PPFIA2: variants seen among roughly 807,000 people sequenced by gnomAD.
The protein encoded by PPFIA2 is PPFI scaffold protein A2, also known as liprin-alpha-2.
A neutral mutation model predicts 175.5 loss-of-function variants in PPFIA2; 46 were observed. The ratio of observed to expected loss-of-function variants is 0.26; its 90% CI spans 0.21 to 0.34. The LOEUF is 0.34. PPFIA2 is among the 10% of genes least tolerant of loss of function. The pLI is 1.00. For synonymous variants in PPFIA2, 568 were observed against 511.4 expected (o/e 1.11, Z -1.49); for missense variants, 1,179 against 1,506.1 (o/e 0.78, Z 3.60).
At chr12:81,278,781 T>C (rs1351623221) in intron 27 of PPFIA2, among the ~76,000 whole-genome samples, 1 of 152,106 alleles carries the variant, frequency 6.6e-6, no homozygotes, top group Non-Finnish European at 1.5e-5. Context: ...GAAAAAATAA[T>C]CTGTAGACTT....
intron 22 of PPFIA2, among the ~76,000 whole-genome samples, chr12:81,321,055 CAG>C (rs376416224): frequency 7.1e-4 from 105 of 148,530 alleles, no homozygotes; most frequent in African/African-American, 2.1e-3. Context: ...ATAAATAAAA[CAG>C]AGAGAGAGAG....
chr12:81,502,590 T>C (rs1010146977), intron 4 of PPFIA2, among the ~76,000 whole-genome samples: 69 of 152,322 alleles, frequency 4.5e-4, no homozygotes, highest in African/African-American at 1.4e-3. Flanking sequence ...ATCTGCCTAA[T>C]ACTCTTCATT....
intron 28 of PPFIA2, among the ~76,000 whole-genome samples, chr12:81,269,494 A>G (rs1170995202): frequency 6.6e-6 from 1 of 152,156 alleles, no homozygotes; most frequent in Non-Finnish European, 1.5e-5. Flanking sequence ...AATTATTTTG[A>G]TGAGTCTTTG....
chr12:81,512,589 T>G (rs927878003), intron 4 of PPFIA2, among the ~76,000 whole-genome samples: 3 of 152,106 alleles, frequency 2.0e-5, no homozygotes, highest in Admixed American at 2.0e-4. Context: ...TTTGGTTACA[T>G]GGATGAGTTC....
intron 3 of PPFIA2, among the ~76,000 whole-genome samples, chr12:81,701,860 C>A (rs1187750008): frequency 1.4e-5 from 2 of 144,670 alleles, no homozygotes; most frequent in African/African-American, 5.1e-5. Context: ...GAACTGAACT[C>A]TTTGTCTCAT....
chr12:81,443,047 T>C (rs1277620813), intron 6 of PPFIA2, among the ~76,000 whole-genome samples: 1 of 151,004 alleles, frequency 6.6e-6, no homozygotes, highest in Non-Finnish European at 1.5e-5. Flanking sequence ...AACAAGCATC[T>C]GGATCAACAG....
intron 17 of PPFIA2, 88 bp downstream of exon 17, chr12:81,353,031 G>T: frequency 1.7e-6 from 2 of 1,170,226 alleles, no homozygotes; most frequent in Non-Finnish European, 2.5e-6. Flanking sequence ...CCCAGTTAAT[G>T]CTAATGCTTC....
intron 19 of PPFIA2, among the ~76,000 whole-genome samples, chr12:81,342,714 T>C (rs1398767781): frequency 6.6e-6 from 1 of 152,072 alleles, no homozygotes; most frequent in Non-Finnish European, 1.5e-5. Context: ...TACATGTTAG[T>C]GTTTTCACAG....
chr12:81,470,164 AC>A (rs2056474099), intron 4 of PPFIA2, among the ~76,000 whole-genome samples: 1 of 152,226 alleles, frequency 6.6e-6, no homozygotes, highest in Admixed American at 6.5e-5. Context: ...ACAGAATGAG[AC>A]AAAATATGAG....
At chr12:81,525,773 A>G (rs2063663476) in intron 4 of PPFIA2, among the ~76,000 whole-genome samples, 1 of 152,212 alleles carries the variant, frequency 6.6e-6, no homozygotes, top group African/African-American at 2.4e-5. Context: ...CCATTACAAC[A>G]CTGGACATGA....
chr12:81,690,641 A>G (rs910820898), intron 3 of PPFIA2, among the ~76,000 whole-genome samples: 1 of 152,180 alleles, frequency 6.6e-6, no homozygotes, highest in East Asian at 1.9e-4. Flanking sequence ...ACTAAATTCC[A>G]TTCCATGTGA....
intron 4 of PPFIA2, among the ~76,000 whole-genome samples, chr12:81,468,673 A>G (rs1450980061): frequency 6.6e-6 from 1 of 152,216 alleles, no homozygotes; most frequent in Non-Finnish European, 1.5e-5. Flanking sequence ...ATCAGTTATA[A>G]TTATATAACC....
intron 22 of PPFIA2, among the ~76,000 whole-genome samples, chr12:81,301,976 G>C (rs2047959272): frequency 1.3e-5 from 2 of 152,116 alleles, no homozygotes; most frequent in Non-Finnish European, 2.9e-5. Flanking sequence ...TAAAATGTAA[G>C]CTCAGGGAGG....
intron 4 of PPFIA2, among the ~76,000 whole-genome samples, chr12:81,660,860 T>A (rs917701382): frequency 6.6e-6 from 1 of 152,162 alleles, no homozygotes; most frequent in Non-Finnish European, 1.5e-5. Flanking sequence ...CGGCAGAAAC[T>A]CTACAAGCCA....
chr12:81,433,796 G>GAGATGA (rs2048513087), intron 7 of PPFIA2, among the ~76,000 whole-genome samples: 1 of 152,108 alleles, frequency 6.6e-6, no homozygotes, highest in Non-Finnish European at 1.5e-5. Context: ...ATAAAGGAGA[G>GAGATGA]AGATGAAGTC....
intron 25 of PPFIA2, among the ~76,000 whole-genome samples, chr12:81,283,449 A>G (rs2042551664): frequency 6.6e-6 from 1 of 152,024 alleles, no homozygotes; most frequent in Non-Finnish European, 1.5e-5. Context: ...TATCCCTCCA[A>G]CAAAGCTTTG....
intron 5 of PPFIA2, among the ~76,000 whole-genome samples, chr12:81,454,696 C>T (rs1445712708): frequency 6.6e-6 from 1 of 152,094 alleles, no homozygotes; most frequent in Non-Finnish European, 1.5e-5. Context: ...ACCCCATCCA[C>T]ACATGGTTTC....
At chr12:81,645,057 T>C (rs760181184) in intron 4 of PPFIA2, among the ~76,000 whole-genome samples, 11 of 151,828 alleles carry the variant, frequency 7.2e-5, no homozygotes, top group Non-Finnish European at 1.3e-4. Flanking sequence ...GAATATAACA[T>C]AGAAATACTA....
At chr12:81,331,877 C>A (rs2056196230) in intron 21 of PPFIA2, among the ~76,000 whole-genome samples, 1 of 152,094 alleles carries the variant, frequency 6.6e-6, no homozygotes, top group African/African-American at 2.4e-5. Flanking sequence ...TCACTATTGA[C>A]ATCAGCTAAG....
Sources: gnomAD v4.1 joint callset for allele counts (sites outside exome capture counted in the v4.1 genomes callset) on GRCh38, gnomAD v4.1.1 for gene constraint, MANE v1.5 for transcripts, NCBI Gene and HGNC (gene_info 2026-07-23, HGNC 2026-07-21) for gene names.